DOCK1: variants seen among roughly 807,000 people sequenced by gnomAD.
The protein encoded by DOCK1 is dedicator of cytokinesis 1, also known as dedicator of cytokinesis protein 1.
DOCK1 carries 138 observed loss-of-function variants against 262.7 expected under a neutral mutation model. That is an observed-to-expected ratio of 0.53 (90% CI 0.46 to 0.61). DOCK1 has a LOEUF of 0.61. DOCK1 is among the 20% of genes least tolerant of loss of function. The probability of loss-of-function intolerance (pLI) is 0.00; values close to 1 mark genes in which losing one functional copy is unlikely to be tolerated. For synonymous variants in DOCK1, 866 were observed against 867.4 expected (o/e 1.00, Z 0.03); for missense variants, 1,908 against 2,370.7 (o/e 0.80, Z 4.05).
intron 38 of DOCK1, among the ~76,000 whole-genome samples, chr10:127,397,751 A>C (rs899311740): frequency 9.6e-6 from 1 of 103,980 alleles, no homozygotes. Flanking sequence ...CTCCTGTATG[A>C]CACGGGCAGC....
intron 27 of DOCK1, among the ~76,000 whole-genome samples, chr10:127,209,619 C>T (rs2057881794): frequency 6.6e-6 from 1 of 152,264 alleles, no homozygotes; most frequent in East Asian, 1.9e-4. Context: ...TTTTTCTTAC[C>T]TTGAGTGGAG....
chr10:127,451,746 T>C lies in DOCK1; in HGVS notation c.*319T>C. 2.6e-6 allele frequency: 1 copy of C among 383,450 alleles called. No homozygotes were observed. Among genetic ancestry groups the C allele is most frequent in the South Asian group, 2.7e-5 (1 of 37,424 alleles). The allele number at this position is 383,450 out of a possible 1,614,324, so 23.8% of individuals were successfully genotyped here. A position where few individuals can be genotyped will look rare whatever the true frequency, so the allele number is the denominator to read the frequency against. On this transcript the variant is annotated 3_prime_UTR_variant, in exon 52 of 52. Transcript: ENST00000623213. ...TTCTTTCTTTTTGTGCCAAATGACT[T>C]GCATTTGCAAAGAGCTCAATTGCTC...
chr10:127,184,530 GCA>G (rs1275272883), intron 27 of DOCK1, among the ~76,000 whole-genome samples: 1 of 141,020 alleles, frequency 7.1e-6, no homozygotes, highest in Non-Finnish European at 1.5e-5. Context: ...GGCTTCAAGT[GCA>G]CACGTCGCTT....
At chr10:127,388,993 C>T (rs931412705) in intron 38 of DOCK1, among the ~76,000 whole-genome samples, 3 of 152,238 alleles carry the variant, frequency 2.0e-5, no homozygotes, top group African/African-American at 7.2e-5. Flanking sequence ...AACTCGGCTT[C>T]CCCACAACTA....
Position 127,175,148 on chromosome 10 carries a change from C to T in DOCK1, c.2847+47384C>T. 7.1e-7 allele frequency: 1 copy of T among 1,398,788 alleles called. No individual in the cohort carries two copies. Among genetic ancestry groups the T allele is most frequent in the South Asian group, 1.3e-5 (1 of 75,342 alleles). The allele number at this position is 1,398,788 out of a possible 1,614,324, so 86.6% of individuals were successfully genotyped here. A position where few individuals can be genotyped will look rare whatever the true frequency, so the allele number is the denominator to read the frequency against. ...TCTCATTACAGACTTGGGTTTGGGG[C>T]TACAGATGGACTCTGTGGTGATCAG... On this transcript the variant is annotated intron_variant, in intron 27 of 51. Coordinates refer to ENST00000623213, the MANE Select transcript of DOCK1 (RefSeq NM_001290223.2). The surrounding 1 kb of genome is among the most constrained non-coding windows in gnomAD (Gnocchi z 6.3).
At chr10:126,947,136 A>G (rs1486951409) in intron 1 of DOCK1, among the ~76,000 whole-genome samples, 3 of 152,202 alleles carry the variant, frequency 2.0e-5, no homozygotes, top group Non-Finnish European at 2.9e-5. Flanking sequence ...GCCCTATTTC[A>G]TAGGGTTGAT....
chr10:126,966,253 T>A (rs895321507), intron 1 of DOCK1, among the ~76,000 whole-genome samples: 17 of 152,232 alleles, frequency 1.1e-4, no homozygotes, highest in Non-Finnish European at 2.1e-4. Flanking sequence ...TTTTTTTGTA[T>A]CCCTTCATTT....
At chr10:127,196,398 C>A (rs2057152254) in intron 27 of DOCK1, among the ~76,000 whole-genome samples, 1 of 148,688 alleles carries the variant, frequency 6.7e-6, no homozygotes, top group South Asian at 2.1e-4. Context: ...TCATTTACTG[C>A]AATTGTCTTC....
chr10:126,963,876 G>C (rs1175918988), intron 1 of DOCK1, among the ~76,000 whole-genome samples: 1 of 152,050 alleles, frequency 6.6e-6, no homozygotes, highest in African/African-American at 2.4e-5. Flanking sequence ...CCAGCCTAAG[G>C]CATTTGCCCC....
intron 6 of DOCK1, among the ~76,000 whole-genome samples, chr10:126,996,412 T>G (rs2040197762): frequency 6.7e-6 from 1 of 149,756 alleles, no homozygotes; most frequent in African/African-American, 2.4e-5. Context: ...AAGTATGCCT[T>G]AAAACTTTTC....
intron 29 of DOCK1, among the ~76,000 whole-genome samples, chr10:127,329,645 A>C (rs1312088477): frequency 1.3e-5 from 2 of 152,080 alleles, no homozygotes; most frequent in Non-Finnish European, 2.9e-5. Context: ...CCAGCAGTAG[A>C]GACTTCTCAC....
intron 12 of DOCK1, among the ~76,000 whole-genome samples, chr10:127,017,035 C>CCACACACACACACA (rs147295824): frequency 3.7e-5 from 4 of 108,400 alleles, no homozygotes; most frequent in Non-Finnish European, 7.8e-5. Context: ...GATACAGATA[C>CCACACACACACACA]CACACACACA....
At chr10:127,406,144 G>T (rs1412038724) in intron 40 of DOCK1, among the ~76,000 whole-genome samples, 1 of 152,134 alleles carries the variant, frequency 6.6e-6, no homozygotes, top group African/African-American at 2.4e-5. Flanking sequence ...GTGTTAGATG[G>T]TGCGTGTGGC....
At chr10:127,397,853 G>A (rs760197623) in intron 38 of DOCK1, among the ~76,000 whole-genome samples, 2 of 152,134 alleles carry the variant, frequency 1.3e-5, no homozygotes, top group Admixed American at 6.5e-5. Context: ...ACCTGTGCAT[G>A]TCCTGGGTAG....
intron 29 of DOCK1, among the ~76,000 whole-genome samples, chr10:127,282,581 T>A (rs539775341): frequency 6.6e-6 from 1 of 152,270 alleles, no homozygotes; most frequent in Admixed American, 6.5e-5. Context: ...AAAGGTTAAT[T>A]TTAAAAGGCC....
At chr10:126,919,092 C>T (rs1408553101) in intron 1 of DOCK1, among the ~76,000 whole-genome samples, 1 of 152,126 alleles carries the variant, frequency 6.6e-6, no homozygotes, top group Non-Finnish European at 1.5e-5. Flanking sequence ...TCTCTTGAGG[C>T]CAGGAGTGAT....
chr10:127,342,497 G>A (rs2063477693), intron 30 of DOCK1, among the ~76,000 whole-genome samples: 1 of 152,124 alleles, frequency 6.6e-6, no homozygotes, highest in South Asian at 2.1e-4. Context: ...TTATTCTGTG[G>A]TGATCAAATG....
intron 27 of DOCK1, among the ~76,000 whole-genome samples, chr10:127,205,202 A>G (rs759982143): frequency 7.9e-5 from 12 of 152,138 alleles, no homozygotes; most frequent in African/African-American, 2.4e-4. Flanking sequence ...CATTCACACC[A>G]TGAAAATGGT....
At chr10:127,101,986 C>G (rs915309331) in intron 23 of DOCK1, among the ~76,000 whole-genome samples, 2 of 152,030 alleles carry the variant, frequency 1.3e-5, no homozygotes, top group African/African-American at 4.8e-5. Flanking sequence ...CATTTGAAAT[C>G]AGAATGAAAT....
Sources: gnomAD v4.1 joint callset for allele counts (sites outside exome capture counted in the v4.1 genomes callset) on GRCh38, gnomAD v4.1.1 for gene constraint, Gnocchi (gnomAD v3.1) non-coding constraint, MANE v1.5 for transcripts, NCBI Gene and HGNC (gene_info 2026-07-23, HGNC 2026-07-21) for gene names.